DLG3: variants seen among roughly 807,000 people sequenced by gnomAD.
The protein encoded by DLG3 is disks large homolog 3.
In DLG3, 1 loss-of-function variant was observed where a neutral mutation model predicts 64.1. The observed-to-expected ratio is 0.02, with a 90% CI of 0.01 to 0.07. The LOEUF (loss-of-function observed/expected upper bound fraction) is 0.07, where lower values mean the gene tolerates loss of function less well. Ranked by LOEUF, DLG3 falls within the 10% of genes least tolerant of loss-of-function variation. The pLI is 1.00. For missense variants in DLG3, 429 were observed against 669.5 expected (o/e 0.64, Z 3.96); for synonymous variants, 245 against 259.8 (o/e 0.94, Z 0.55).
intron 1 of DLG3, among the ~76,000 whole-genome samples, chrX:70,445,893 G>A (rs1313217354): frequency 1.0e-5 from 1 of 97,392 alleles, no homozygotes; most frequent in Non-Finnish European, 2.1e-5. Context: ...GGTTCTGCGG[G>A]GGCTGTGTGT....
At position 70,471,423 on chromosome X, in the gene DLG3, G is replaced by A. The variant is rs1337521043; in HGVS notation, c.1406-7727G>A. ...CGGCTCACTGCAAGCTCCGCCTCCT[G>A]GGTTCACACCGTTCTCCTGCCTCAG... On this transcript the variant is annotated intron_variant, in intron 9 of 18. Coordinates refer to ENST00000374360, the MANE Select transcript of DLG3 (RefSeq NM_021120.4). 7.4e-5 allele frequency among the ~76,000 whole-genome samples: 8 copies of A among 107,870 alleles called. No homozygotes were observed. The East Asian group carries it at 2.3e-3, about 31-fold the overall frequency. 93.7% of individuals were successfully genotyped at this position (107,870 alleles called of 115,157 possible).
At chrX:70,458,254 C>T (rs1477569044) in intron 9 of DLG3, among the ~76,000 whole-genome samples, 1 of 110,793 alleles carries the variant, frequency 9.0e-6, no homozygotes, top group Non-Finnish European at 1.9e-5. Flanking sequence ...TCAAGCAGTC[C>T]ACCCACCTTG....
chrX:70,483,888 C>T (rs1302731457), intron 10 of DLG3, among the ~76,000 whole-genome samples: 1 of 112,180 alleles, frequency 8.9e-6, no homozygotes, highest in Non-Finnish European at 1.9e-5. Flanking sequence ...AGGGCTTTTG[C>T]TCTGCTGGAG....
chrX:70,494,537 C>T (rs971930715), intron 12 of DLG3, among the ~76,000 whole-genome samples: 1 of 112,038 alleles, frequency 8.9e-6, no homozygotes, highest in Non-Finnish European at 1.9e-5. Flanking sequence ...ATGGCAGCCA[C>T]GGCTCATCAT....
chrX:70,446,230 A>G (rs936907063), intron 1 of DLG3, among the ~76,000 whole-genome samples: 4 of 110,512 alleles, frequency 3.6e-5, no homozygotes, highest in African/African-American at 1.3e-4. Flanking sequence ...ATGTGGCTGC[A>G]AGAGTGTGCA....
chrX:70,465,107 TAA>T (rs1244192708), intron 9 of DLG3, among the ~76,000 whole-genome samples: 2 of 111,867 alleles, frequency 1.8e-5, no homozygotes, highest in African/African-American at 6.5e-5. Context: ...CAGGGTAGAT[TAA>T]GAGTTGTTTT....
chrX:70,473,441 C>G (rs5980945), intron 9 of DLG3, among the ~76,000 whole-genome samples: 5 of 111,501 alleles, frequency 4.5e-5, no homozygotes, highest in Non-Finnish European at 9.4e-5. Context: ...ATTAGTCTCT[C>G]TCTTAGCATT....
At position 70,495,772 on chromosome X, in the gene DLG3, T is replaced by C. The variant is rs767555722; in HGVS notation, c.1819+319T>C. Among the ~76,000 whole-genome samples, 36 of 112,011 alleles carry C rather than the reference T, an allele frequency of 3.2e-4. 1 individual carries two copies. In the South Asian group the frequency reaches 0.013, roughly 40 times the overall value. On this transcript the variant is annotated intron_variant, in intron 13 of 18. Coordinates refer to ENST00000374360, the MANE Select transcript of DLG3 (RefSeq NM_021120.4). ...TTCTCCAAGGTAACCACTCAGCTAATCTCTAGCCTATTGTCGAAGGGAGGG... is the reference window on the plus strand; with the variant it reads ...TTCTCCAAGGTAACCACTCAGCTAACCTCTAGCCTATTGTCGAAGGGAGGG...
intron 9 of DLG3, among the ~76,000 whole-genome samples, chrX:70,477,806 C>T (rs1341018988): frequency 8.9e-6 from 1 of 111,881 alleles, no homozygotes; most frequent in Non-Finnish European, 1.9e-5. Context: ...GGTTATTTGC[C>T]TCACTCCATT....
chrX:70,482,829 G>A (rs1183283144), intron 10 of DLG3, among the ~76,000 whole-genome samples: 8 of 106,952 alleles, frequency 7.5e-5, no homozygotes, highest in Non-Finnish European at 1.3e-4. Flanking sequence ...CACCACACCC[G>A]GCTGATTTTT....
intron 10 of DLG3, 48 bp from the exon 11 acceptor site, chrX:70,492,059 T>G: frequency 5.2e-6 from 6 of 1,156,520 alleles, no homozygotes; most frequent in African/African-American, 3.6e-5. Context: ...GCCAGTGTCT[T>G]GGCATTTAGG....
At chrX:70,472,004 C>T (rs2086978353) in intron 9 of DLG3, among the ~76,000 whole-genome samples, 1 of 111,651 alleles carries the variant, frequency 9.0e-6, no homozygotes, top group South Asian at 3.8e-4. Context: ...ACGCAGTTCC[C>T]ATTGCCTAGT....
chrX:70,454,722 CT>C (rs1427281349), intron 9 of DLG3, among the ~76,000 whole-genome samples: 1 of 112,154 alleles, frequency 8.9e-6, no homozygotes, highest in Non-Finnish European at 1.9e-5. Context: ...CTTAAGAGAT[CT>C]TGGGCCAAAC....
intron 1 of DLG3, among the ~76,000 whole-genome samples, chrX:70,447,116 C>T (rs1299857719): frequency 9.0e-6 from 1 of 110,904 alleles, no homozygotes; most frequent in South Asian, 3.9e-4. Context: ...AGGTGGCAAT[C>T]CCAGGCTGGG....
chrX:70,493,617 A>T lies in DLG3; in HGVS notation c.1773+1021A>T, dbSNP rs1178412241. 19 of 530,613 alleles carry T rather than the reference A, an allele frequency of 3.6e-5. No individual in the cohort carries two copies. In the South Asian group the frequency reaches 5.1e-4, roughly 14 times the overall value. 43.7% of individuals were successfully genotyped at this position (530,613 alleles called of 1,213,427 possible). On this transcript the variant is annotated intron_variant, in intron 12 of 18. Coordinates refer to ENST00000374360, the MANE Select transcript of DLG3 (RefSeq NM_021120.4). ...TGTGCGTGTGCACCTGCTTATCTAC[A>T]GAGTCAGGGCAGAAACTGGTCTGCC...
chrX:70,477,410 A>T (rs1448455628), intron 9 of DLG3, among the ~76,000 whole-genome samples: 1 of 112,109 alleles, frequency 8.9e-6, no homozygotes, highest in Non-Finnish European at 1.9e-5. Flanking sequence ...CAAATGAGAA[A>T]CAATCCCCAC....
At chrX:70,455,287 A>T (rs938793238) in intron 9 of DLG3, 5 of 752,042 alleles carry the variant, frequency 6.6e-6, no homozygotes, top group Non-Finnish European at 7.8e-6. Context: ...GACGGGGGTC[A>T]GGCCCCCTCG....
Position 70,453,582 on chromosome X carries a change from A to G in DLG3, c.1146-55A>G, listed in dbSNP as rs772542239. ...GGACCTTGTTCCAGGCTGGCCCTCA[A>G]AGGACAACAGTCCATATCTACCTAG... On this transcript the variant is annotated intron_variant, in intron 7 of 18. Coordinates refer to ENST00000374360, the MANE Select transcript of DLG3 (RefSeq NM_021120.4). 98 of 1,193,015 alleles carry G rather than the reference A, an allele frequency of 8.2e-5. No individual in the cohort carries two copies. In the East Asian group the frequency reaches 2.4e-3, roughly 29 times the overall value.
At chrX:70,489,447 C>T (rs1048929005) in intron 10 of DLG3, among the ~76,000 whole-genome samples, 6 of 110,732 alleles carry the variant, frequency 5.4e-5, no homozygotes, top group Non-Finnish European at 7.6e-5. Context: ...GGATTACAGG[C>T]GCCCACCACC....
Sources: allele counts gnomAD v4.1 joint callset (sites outside exome capture counted in the v4.1 genomes callset), GRCh38; gene constraint gnomAD v4.1.1; transcripts MANE v1.5; gene names NCBI Gene and HGNC (gene_info 2026-07-23, HGNC 2026-07-21).